ENTREP2: variants seen among roughly 807,000 people sequenced by gnomAD.
The protein encoded by ENTREP2 is protein ENTREP2.
the ENTREP2 span, among the ~76,000 whole-genome samples, chr15:29,142,603 C>T: frequency 3.3e-5 from 5 of 152,274 alleles, no homozygotes; most frequent in Admixed American, 2.6e-4. Flanking sequence ...CAGCCAGCAC[C>T]GCTTAACCAG....
At chr15:29,470,167 C>T in the ENTREP2 span, among the ~76,000 whole-genome samples, 4 of 152,188 alleles carry the variant, frequency 2.6e-5, no homozygotes, top group African/African-American at 9.6e-5. Flanking sequence ...ACAGTCACGG[C>T]GTGTGTGTGA....
chr15:29,124,719 T>A, the ENTREP2 span: 1 of 1,550,630 alleles, frequency 6.4e-7, no homozygotes, highest in South Asian at 1.2e-5. Flanking sequence ...CAGTCCCGCT[T>A]CCAGGTCCTG....
the ENTREP2 span, among the ~76,000 whole-genome samples, chr15:29,192,505 G>A: frequency 1.3e-5 from 2 of 152,158 alleles, no homozygotes; most frequent in African/African-American, 4.8e-5. Context: ...TCAGACAGCT[G>A]AGGTCACAGG....
At chr15:29,329,311 T>C in the ENTREP2 span, among the ~76,000 whole-genome samples, 1 of 150,250 alleles carries the variant, frequency 6.7e-6, no homozygotes, top group Non-Finnish European at 1.5e-5. Flanking sequence ...TGCAGTGAGC[T>C]GCGATCGCAC....
the ENTREP2 span, among the ~76,000 whole-genome samples, chr15:29,654,228 A>G: frequency 6.6e-6 from 1 of 152,216 alleles, no homozygotes; most frequent in Non-Finnish European, 1.5e-5. Context: ...AAATTCTGTG[A>G]CTAACGGTAA....
At chr15:29,590,412 G>T in the ENTREP2 span, among the ~76,000 whole-genome samples, 1 of 152,142 alleles carries the variant, frequency 6.6e-6, no homozygotes, top group South Asian at 2.1e-4. Flanking sequence ...GCCAGGCGCG[G>T]TGGCTCACGC....
At chr15:29,519,055 G>A in the ENTREP2 span, among the ~76,000 whole-genome samples, 14 of 152,100 alleles carry the variant, frequency 9.2e-5, no homozygotes, top group Middle Eastern at 3.4e-3. Flanking sequence ...AAAGCACCAA[G>A]TCCTCTTACC....
the ENTREP2 span, among the ~76,000 whole-genome samples, chr15:29,604,833 G>A: frequency 6.6e-6 from 1 of 152,218 alleles, no homozygotes; most frequent in African/African-American, 2.4e-5. Context: ...GCTGTCCCGT[G>A]AAGATGATGT....
the ENTREP2 span, among the ~76,000 whole-genome samples, chr15:29,127,441 C>T: frequency 6.6e-6 from 1 of 152,282 alleles, no homozygotes; most frequent in East Asian, 1.9e-4. Context: ...TTCCCTGCGT[C>T]TGTGAGCCTG....
the ENTREP2 span, chr15:29,137,079 T>C: frequency 4.1e-6 from 6 of 1,458,602 alleles, no homozygotes; most frequent in African/African-American, 4.5e-5. Flanking sequence ...TGGGGGGTAA[T>C]AGGGTGGAGG....
chr15:29,163,301 A>C, the ENTREP2 span, among the ~76,000 whole-genome samples: 1 of 152,172 alleles, frequency 6.6e-6, no homozygotes. Flanking sequence ...CAATGGATCC[A>C]ACCCAAGAAG....
chr15:29,132,055 C>G, the ENTREP2 span, among the ~76,000 whole-genome samples: 1 of 145,130 alleles, frequency 6.9e-6, no homozygotes, highest in Non-Finnish European at 1.5e-5. Flanking sequence ...AGCACACCCC[C>G]TGCCCCGCCC....
At chr15:29,370,955 C>T in the ENTREP2 span, among the ~76,000 whole-genome samples, 1 of 152,142 alleles carries the variant, frequency 6.6e-6, no homozygotes, top group South Asian at 2.1e-4. Context: ...TGTGAAAATA[C>T]ATATTCTTTA....
the ENTREP2 span, chr15:29,124,578 G>A: frequency 1.1e-6 from 1 of 877,480 alleles, no homozygotes; most frequent in Non-Finnish European, 1.8e-6. Flanking sequence ...CCATTCCCGG[G>A]GGTGGGGTGA....
the ENTREP2 span, chr15:29,123,196 G>C: frequency 1.2e-6 from 1 of 836,408 alleles, no homozygotes; most frequent in South Asian, 2.5e-5. Flanking sequence ...TGCCCACACC[G>C]CCCCCAGATC....
the ENTREP2 span, among the ~76,000 whole-genome samples, chr15:29,623,404 A>T: frequency 6.6e-6 from 1 of 152,226 alleles, no homozygotes; most frequent in South Asian, 2.1e-4. Flanking sequence ...GAGGACATTA[A>T]CACTGTAGTT....
At chr15:29,656,350 C>T in the ENTREP2 span, among the ~76,000 whole-genome samples, 2 of 152,122 alleles carry the variant, frequency 1.3e-5, no homozygotes, top group African/African-American at 2.4e-5. Context: ...GTCAGCCTCC[C>T]GAGTAGCTGG....
At chr15:29,145,533 G>C in the ENTREP2 span, among the ~76,000 whole-genome samples, 1 of 140,858 alleles carries the variant, frequency 7.1e-6, no homozygotes, top group Non-Finnish European at 1.5e-5. Context: ...TAAGGCAGGA[G>C]AATGGCGTGA....
chr15:29,607,459 A>G, the ENTREP2 span, among the ~76,000 whole-genome samples: 1 of 152,098 alleles, frequency 6.6e-6, no homozygotes, highest in South Asian at 2.1e-4. Context: ...TACCTTACAG[A>G]ATAATTATTT....
Sources: allele counts gnomAD v4.1 joint callset (sites outside exome capture counted in the v4.1 genomes callset), GRCh38; gene constraint gnomAD v4.1.1; transcripts MANE v1.5; gene names NCBI Gene and HGNC (gene_info 2026-07-23, HGNC 2026-07-21).